Variants in QRICH1 observed in about 807,000 individuals in gnomAD.
QRICH1 encodes glutamine rich 1, also known as transcriptional regulator QRICH1.
Under a neutral mutation model 87.1 loss-of-function variants are expected in QRICH1, and 16 were observed. That is an observed-to-expected ratio of 0.18 (90% CI 0.12 to 0.28). The LOEUF (loss-of-function observed/expected upper bound fraction) is 0.28, where lower values mean the gene tolerates loss of function less well. Ranked by LOEUF, QRICH1 falls within the 10% of genes least tolerant of loss-of-function variation. The pLI is 1.00. For missense variants in QRICH1, 647 were observed against 951.7 expected (o/e 0.68, Z 4.21); for synonymous variants, 367 against 368.4 (o/e 1.00, Z 0.05).
rs10691654 is a variant in QRICH1 at position 49,034,079 on chromosome 3, TTTATTA to T, written c.1787-857_1787-852del. Among the ~76,000 whole-genome samples, 71 of 147,208 alleles carry T rather than the reference TTTATTA, an allele frequency of 4.8e-4. 1 individual carries two copies. In the South Asian group the frequency reaches 7.6e-3, roughly 16 times the overall value. ...AAGAGACTGATACTCTTTGGGGGAT[TTTATTA>T]TTATTATTATTATTATTATTATTAG... On this transcript the variant is annotated intron_variant, in intron 6 of 9. Coordinates refer to ENST00000395443, the MANE Select transcript of QRICH1 (RefSeq NM_198880.3).
chr3:49,078,209 C>T (rs990924561), intron 1 of QRICH1, among the ~76,000 whole-genome samples: 3 of 152,066 alleles, frequency 2.0e-5, no homozygotes, highest in South Asian at 2.1e-4. Context: ...AGATGCTCTA[C>T]CTTATGTTAC....
chr3:49,087,840 G>T (rs768352726), intron 1 of QRICH1, among the ~76,000 whole-genome samples: 5 of 64,284 alleles, frequency 7.8e-5, no homozygotes, highest in Non-Finnish European at 9.5e-5. Context: ...AAAAAAAAAA[G>T]AACAATGTCT....
At chr3:49,085,905 CA>C (rs1366674591) in intron 1 of QRICH1, among the ~76,000 whole-genome samples, 1 of 151,814 alleles carries the variant, frequency 6.6e-6, no homozygotes, top group Non-Finnish European at 1.5e-5. Flanking sequence ...CTAAAAGAGA[CA>C]AAAGATTCTT....
At chr3:49,036,709 C>A (rs1252805467) in intron 6 of QRICH1, among the ~76,000 whole-genome samples, 2 of 140,698 alleles carry the variant, frequency 1.4e-5, no homozygotes, top group African/African-American at 5.3e-5. Context: ...AAAAAAAAAA[C>A]AGCCGTTAAC....
At chr3:49,067,217 G>T (rs1474994827) in intron 2 of QRICH1, among the ~76,000 whole-genome samples, 1 of 152,120 alleles carries the variant, frequency 6.6e-6, no homozygotes, top group Non-Finnish European at 1.5e-5. Flanking sequence ...CAAATAATCT[G>T]ATGTCACTTT....
rs58022360 is a variant in QRICH1 at position 49,087,818 on chromosome 3, CAA to C, written c.-22+6092_-22+6093del. On this transcript the variant is annotated intron_variant, in intron 1 of 9. Transcript: ENST00000395443. ...GAACTCAGGAGGCGGAGGTTCATCT[CAA>C]AAAAAAAAAAAAAAAAAAAGAACAA... Among the ~76,000 whole-genome samples the C allele has an allele frequency of 1.8e-3, 86 of 47,680 alleles. 2 individuals are homozygous for C. The highest frequency in any genetic ancestry group is 0.015 in the South Asian group (8 of 536). 31.3% of individuals were successfully genotyped at this position (47,680 alleles called of 152,430 possible). A position where few individuals can be genotyped will look rare whatever the true frequency, so the allele number is the denominator to read the frequency against.
intron 5 of QRICH1, among the ~76,000 whole-genome samples, chr3:49,046,134 TC>T (rs2093338101): frequency 6.6e-6 from 1 of 151,366 alleles, no homozygotes; most frequent in South Asian, 2.1e-4. Flanking sequence ...GGGCTGGTCG[TC>T]TTCAACTCCT....
intron 3 of QRICH1, among the ~76,000 whole-genome samples, chr3:49,050,892 C>T (rs2093366708): frequency 6.6e-6 from 1 of 152,128 alleles, no homozygotes; most frequent in Non-Finnish European, 1.5e-5. Context: ...TCCTCCCCAC[C>T]ACCCACAGGC....
chr3:49,092,068 T>C (rs1247318359), intron 1 of QRICH1, among the ~76,000 whole-genome samples: 2 of 149,678 alleles, frequency 1.3e-5, no homozygotes, highest in South Asian at 2.1e-4. Flanking sequence ...TGAGACTCCG[T>C]CTCAAAAAAA....
At chr3:49,040,110 C>A (rs1371678918) in intron 6 of QRICH1, among the ~76,000 whole-genome samples, 1 of 152,106 alleles carries the variant, frequency 6.6e-6, no homozygotes, top group Non-Finnish European at 1.5e-5. Flanking sequence ...AAAATGGGTA[C>A]ATGGGGGAAT....
At chr3:49,050,248 C>CAAAAAAAAAAAAAAAA (rs527597101) in intron 3 of QRICH1, among the ~76,000 whole-genome samples, 28 of 52,412 alleles carry the variant, frequency 5.3e-4, no homozygotes, top group African/African-American at 2.1e-3. Flanking sequence ...GACTCCGTCT[C>CAAAAAAAAAAAAAAAA]AAAAAAAAAA....
At position 49,057,662 on chromosome 3, in the gene QRICH1, T is replaced by A; in HGVS notation, c.538A>T (p.Ile180Phe). 6.2e-7 allele frequency: 1 copy of A among 1,614,190 alleles called. No homozygotes were observed. Among genetic ancestry groups the A allele is most frequent in the Non-Finnish European group, 8.5e-7 (1 of 1,180,018 alleles). ...QVQHVQAAQQ[I>F]QAAEIPEEHI... ...TCCTCCGGGATTTCTGCAGCCTGGA[T>A]CTGCTGGGCTGCTTGCACGTGCTGC... Residue 180 changes from isoleucine (I) to phenylalanine (F), a missense_variant, in exon 3 of 10, where the codon ATC becomes TTC. By Grantham distance (21) the Ile-to-Phe change is conservative (BLOSUM62 0). Around this residue, in one of 7 missense-constraint regions of QRICH1, gnomAD observed 156 missense variants for 164.5 expected, o/e 0.95. Transcript: ENST00000395443. The surrounding 1 kb of genome is among the most constrained non-coding windows in gnomAD (Gnocchi z 5.4).
intron 6 of QRICH1, among the ~76,000 whole-genome samples, chr3:49,041,670 A>G (rs1237595857): frequency 4.6e-5 from 7 of 150,874 alleles, no homozygotes; most frequent in Non-Finnish European, 8.9e-5. Context: ...TCACTCTGTC[A>G]CTCAGGCTGG....
intron 3 of QRICH1, among the ~76,000 whole-genome samples, chr3:49,051,695 C>T (rs1048993524): frequency 6.6e-6 from 1 of 151,474 alleles, no homozygotes; most frequent in African/African-American, 2.4e-5. Flanking sequence ...AGCTTCCCTG[C>T]CCAGATCTAT....
chr3:49,032,518 G>C, intron 8 of QRICH1, 104 bp downstream of exon 8: 1 of 1,401,690 alleles, frequency 7.1e-7, no homozygotes, highest in Non-Finnish European at 9.7e-7. Flanking sequence ...ATTTTATCCA[G>C]CAAATCCCAA....
intron 1 of QRICH1, 41 bp downstream of exon 1, chr3:49,093,871 C>T (rs559477702): frequency 9.7e-5 from 37 of 383,334 alleles, no homozygotes; most frequent in African/African-American, 6.5e-4. Flanking sequence ...CGTCTCAGGC[C>T]TACAGCTTCG....
chr3:49,054,988 G>A (rs2093392448), intron 3 of QRICH1, among the ~76,000 whole-genome samples: 1 of 152,162 alleles, frequency 6.6e-6, no homozygotes, highest in Non-Finnish European at 1.5e-5. Context: ...TTCCCAGTTT[G>A]TCTTTGTGTA....
At chr3:49,080,966 CAAA>C (rs34230924) in intron 1 of QRICH1, among the ~76,000 whole-genome samples, 283 of 24,766 alleles carry the variant, frequency 0.011, no homozygotes, top group African/African-American at 0.053. Flanking sequence ...AACTCCATCT[CAAA>C]AAAAAAAAAA....
intron 3 of QRICH1, among the ~76,000 whole-genome samples, chr3:49,052,566 C>T (rs972722278): frequency 1.3e-5 from 2 of 152,150 alleles, no homozygotes; most frequent in Non-Finnish European, 2.9e-5. Context: ...AGTGCAGTGG[C>T]GCGATCTCGG....
Sources: gnomAD v4.1 joint callset for allele counts (sites outside exome capture counted in the v4.1 genomes callset) on GRCh38, gnomAD v4.1.1 for gene constraint, gnomAD v4.1.1 regional missense constraint, Gnocchi (gnomAD v3.1) non-coding constraint, MANE v1.5 for transcripts, NCBI Gene and HGNC (gene_info 2026-07-23, HGNC 2026-07-21) for gene names.